The following SREBF2 variants were observed in gnomAD, a reference collection of about 807,000 sequenced individuals.
The protein encoded by SREBF2 is sterol regulatory element-binding protein 2.
In SREBF2, 55 loss-of-function variants were observed where a neutral mutation model predicts 113.1. The ratio of observed to expected loss-of-function variants is 0.49; its 90% CI spans 0.39 to 0.61. The LOEUF is 0.61. Ranked by LOEUF, SREBF2 falls within the 20% of genes least tolerant of loss-of-function variation. The pLI, the probability that SREBF2 is intolerant of heterozygous loss-of-function variation, is 0.00. For missense variants in SREBF2, 1,349 were observed against 1,487.4 expected (o/e 0.91, Z 1.53); for synonymous variants, 593 against 605.7 (o/e 0.98, Z 0.31).
rs1233982575 is a variant in SREBF2, at chr22:41,833,172, C to T, written c.-99C>T. 1.5e-5 allele frequency: 14 copies of T among 915,866 alleles called. No individual in the cohort carries two copies. The highest frequency in any genetic ancestry group is 6.9e-5 in the Admixed American group (2 of 28,870). The allele number at this position is 915,866 out of a possible 1,614,324, so 56.7% of individuals were successfully genotyped here. On this transcript the variant is annotated 5_prime_UTR_variant, in exon 1 of 19. Transcript: ENST00000361204. This position sits in a 1 kb window ranked among gnomAD's most constrained non-coding sequence, Gnocchi z 4.1. ...GTGGCACCCGTCGGTGAGGCGGTGC[C>T]GGGCGGGGGTTGTCGGGTGTCATGG...
intron 1 of SREBF2, among the ~76,000 whole-genome samples, chr22:41,850,822 C>T (rs1158483985): frequency 1.3e-5 from 2 of 152,126 alleles, no homozygotes; most frequent in Non-Finnish European, 2.9e-5. Flanking sequence ...CTCACTGCAA[C>T]CTCTGCCTCC....
At chr22:41,842,807 G>A (rs562070616) in intron 1 of SREBF2, among the ~76,000 whole-genome samples, 13 of 152,212 alleles carry the variant, frequency 8.5e-5, no homozygotes, top group African/African-American at 2.6e-4. Context: ...GGCTAACATG[G>A]TGAAACCCTG....
At chr22:41,837,036 T>C (rs949319131) in intron 1 of SREBF2, among the ~76,000 whole-genome samples, 1 of 152,178 alleles carries the variant, frequency 6.6e-6, no homozygotes, top group Non-Finnish European at 1.5e-5. Flanking sequence ...CGACAGATCA[T>C]GTGTCTTCTC....
At position 41,833,446 on chromosome 22, in the gene SREBF2, C is replaced by G; in HGVS notation, c.88+88C>G. On this transcript the variant is annotated intron_variant, in intron 1 of 18. Transcript: ENST00000361204. The surrounding 1 kb of genome is among the most constrained non-coding windows in gnomAD (Gnocchi z 4.1). ...CCCGGGTGCGCGTGCGCCCACCCCC[C>G]GACAGCCCCGGTTCGCGCGGGAAGA... The G allele has an allele frequency of 1.7e-6, 2 of 1,196,058 alleles. No individual in the cohort carries two copies. The highest frequency in any genetic ancestry group is 1.2e-6 in the Non-Finnish European group (1 of 853,618). The allele number at this position is 1,196,058 out of a possible 1,614,324, so 74.1% of individuals were successfully genotyped here. A position where few individuals can be genotyped will look rare whatever the true frequency, so the allele number is the denominator to read the frequency against.
chr22:41,880,699 C>G lies in SREBF2; in HGVS notation c.1762-17C>G. On this transcript the variant is annotated splice_polypyrimidine_tract_variant and intron_variant, in intron 9 of 18. Coordinates refer to ENST00000361204, the MANE Select transcript of SREBF2 (RefSeq NM_004599.4). ...GAGCAAGGCCAGTGACCATTAACAC[C>G]TTTTGATACTTTGTAGGGAGATTTT... is the stretch of plus-strand genomic sequence containing the variant. 6.2e-7 allele frequency: 1 copy of G among 1,614,168 alleles called. No homozygotes were observed. Among genetic ancestry groups the G allele is most frequent in the Non-Finnish European group, 8.5e-7 (1 of 1,180,040 alleles).
At chr22:41,862,534 C>T (rs958833832) in intron 1 of SREBF2, among the ~76,000 whole-genome samples, 3 of 152,150 alleles carry the variant, frequency 2.0e-5, no homozygotes, top group East Asian at 3.9e-4. Flanking sequence ...CCATAAAACT[C>T]GCCTTCTCCC....
chr22:41,841,133 TTGGGGA>T (rs2076826769), intron 1 of SREBF2, among the ~76,000 whole-genome samples: 1 of 152,114 alleles, frequency 6.6e-6, no homozygotes, highest in South Asian at 2.1e-4. Flanking sequence ...GGAGTGAGTG[TTGGGGA>T]TGGTTGTGGT....
chr22:41,893,347 A>C, intron 12 of SREBF2, 62 bp downstream of exon 12: 1 of 1,567,524 alleles, frequency 6.4e-7, no homozygotes, highest in East Asian at 2.2e-5. Flanking sequence ...GGTACTACAG[A>C]GTCACTGCAC....
At chr22:41,899,340 T>A (rs1424784675) in intron 15 of SREBF2, 2 of 1,019,390 alleles carry the variant, frequency 2.0e-6, no homozygotes, top group African/African-American at 3.4e-5. Flanking sequence ...TCTTTGGAGA[T>A]TCATGTCTGC....
rs1202504218 is a variant in SREBF2, at chr22:41,897,160, G to C, written c.2604G>C (p.Leu868=). ...LSRSSVLKSA[L]GPDIICRWWT... ...GGAGCTCCGTGCTCAAGTCCGCCCTGGGTAAGCACCTGCGGGTGGCCCACA... is the reference window on the plus strand; with the variant it reads ...GGAGCTCCGTGCTCAAGTCCGCCCTCGGTAAGCACCTGCGGGTGGCCCACA... The change falls in exon 14 of 19, where the codon CTG becomes CTC. Residue 868 remains leucine, a splice_region_variant and synonymous_variant. Transcript: ENST00000361204. The C allele has an allele frequency of 1.2e-6, 2 of 1,608,844 alleles. No homozygotes were observed. The highest frequency in any genetic ancestry group is 3.3e-5 in the Admixed American group (2 of 59,886).
chr22:41,859,122 CAAA>C (rs557219254), intron 1 of SREBF2, among the ~76,000 whole-genome samples: 2 of 80,250 alleles, frequency 2.5e-5, no homozygotes, highest in Non-Finnish European at 5.1e-5. Context: ...GACTCCGTCT[CAAA>C]AAAAAAAAAA....
intron 14 of SREBF2, 105 bp from the exon 15 acceptor site, chr22:41,898,544 G>T (rs1369892808): frequency 6.7e-7 from 1 of 1,499,134 alleles, no homozygotes; most frequent in African/African-American, 1.4e-5. Context: ...TTCCCAGCAG[G>T]CAAAGATGTT....
intron 10 of SREBF2, among the ~76,000 whole-genome samples, chr22:41,882,533 C>T (rs575200750): frequency 3.9e-5 from 6 of 152,188 alleles, no homozygotes; most frequent in Admixed American, 2.0e-4. Flanking sequence ...TAGGCCATCG[C>T]GGTGGCTCAC....
chr22:41,846,424 A>G (rs2076877312), intron 1 of SREBF2, among the ~76,000 whole-genome samples: 2 of 152,142 alleles, frequency 1.3e-5, no homozygotes, highest in Admixed American at 6.5e-5. Flanking sequence ...ACTGGCAGGA[A>G]ACCTTCCCTC....
rs556610610 is a variant in SREBF2 at position 41,906,328 on chromosome 22, CATT to C, written c.*672_*674del. The stretch of plus-strand genomic sequence containing the variant: ...CTGCGGATGCATGAAATAATGTTGG[CATT>C]ATTTTTTAATTTTTTAAAAAATAAA... On this transcript the variant is annotated 3_prime_UTR_variant, in exon 19 of 19. Coordinates refer to ENST00000361204, the MANE Select transcript of SREBF2 (RefSeq NM_004599.4). 5.1e-3 allele frequency: 1,032 copies of C among 201,448 alleles called. 15 individuals are homozygous for C. Among genetic ancestry groups the C allele is most frequent in the Non-Finnish European group, 9.3e-3 (903 of 97,234 alleles). The allele number at this position is 201,448 out of a possible 1,614,324, so 12.5% of individuals were successfully genotyped here.
At chr22:41,838,225 T>A (rs1440000275) in intron 1 of SREBF2, among the ~76,000 whole-genome samples, 1 of 152,044 alleles carries the variant, frequency 6.6e-6, no homozygotes, top group Non-Finnish European at 1.5e-5. Flanking sequence ...GCCTGACAAG[T>A]ATGTGGGAGG....
intron 1 of SREBF2, among the ~76,000 whole-genome samples, chr22:41,853,506 A>G (rs1361238863): frequency 6.6e-6 from 1 of 152,196 alleles, no homozygotes; most frequent in Non-Finnish European, 1.5e-5. Context: ...TTCACAAACC[A>G]TATTGTGATC....
intron 1 of SREBF2, among the ~76,000 whole-genome samples, chr22:41,858,813 A>C (rs2076999474): frequency 6.6e-6 from 1 of 152,084 alleles, no homozygotes; most frequent in African/African-American, 2.4e-5. Context: ...AAAATCTCAT[A>C]GGTGACCAAA....
intron 13 of SREBF2, 43 bp from the exon 14 acceptor site, chr22:41,897,009 G>A (rs373592735): frequency 1.4e-6 from 2 of 1,411,702 alleles, no homozygotes; most frequent in Admixed American, 1.8e-5. Flanking sequence ...TGGGCCTTGT[G>A]TATATGTTTT....
Sources: gnomAD v4.1 joint callset for allele counts (sites outside exome capture counted in the v4.1 genomes callset) on GRCh38, gnomAD v4.1.1 for gene constraint, Gnocchi (gnomAD v3.1) non-coding constraint, MANE v1.5 for transcripts, NCBI Gene and HGNC (gene_info 2026-07-23, HGNC 2026-07-21) for gene names.